The following LRRTM4 variants were observed in gnomAD, a reference collection of about 807,000 sequenced individuals.
LRRTM4 encodes the protein leucine rich repeat transmembrane neuronal 4.
LRRTM4 carries 25 observed loss-of-function variants against 47.6 expected under a neutral mutation model. The observed-to-expected ratio is 0.53, with a 90% CI of 0.38 to 0.73. LRRTM4 has a LOEUF of 0.73. LRRTM4 is among the 30% of genes least tolerant of loss of function. LRRTM4 has a pLI of 0.00. For synonymous variants in LRRTM4, 311 were observed against 269.5 expected, an observed-to-expected ratio of 1.15 and a Z score of -1.51; for missense variants, 638 against 713.4, an observed-to-expected ratio of 0.89 and a Z score of 1.20.
intron 3 of LRRTM4, among the ~76,000 whole-genome samples, chr2:76,790,470 CCAGCCT>C (rs1319494360): frequency 6.6e-6 from 1 of 152,082 alleles, no homozygotes; most frequent in African/African-American, 2.4e-5. Flanking sequence ...TGATCTTGGG[CCAGCCT>C]CAGTTTCTTC....
intron 3 of LRRTM4, among the ~76,000 whole-genome samples, chr2:77,328,843 C>T (rs546007616): frequency 1.6e-4 from 24 of 152,190 alleles, no homozygotes; most frequent in African/African-American, 5.5e-4. Context: ...GCTGATATCT[C>T]GAAAGGCATT....
intron 3 of LRRTM4, among the ~76,000 whole-genome samples, chr2:76,860,297 C>T (rs1044553330): frequency 2.0e-5 from 3 of 152,074 alleles, no homozygotes; most frequent in Non-Finnish European, 2.9e-5. Flanking sequence ...AGTTGGGCAA[C>T]AAAAAGCAGT....
chr2:77,003,703 A>T (rs1015492921), intron 3 of LRRTM4, among the ~76,000 whole-genome samples: 1 of 152,130 alleles, frequency 6.6e-6, no homozygotes, highest in Non-Finnish European at 1.5e-5. Context: ...CTACTACAGT[A>T]AATTGGTACT....
intron 3 of LRRTM4, among the ~76,000 whole-genome samples, chr2:76,913,146 G>T (rs2103785828): frequency 6.6e-6 from 1 of 152,146 alleles, no homozygotes; most frequent in African/African-American, 2.4e-5. Flanking sequence ...CTTTACATCT[G>T]TCTTTCCTGC....
chr2:76,922,538 A>T (rs1674465513), intron 3 of LRRTM4, among the ~76,000 whole-genome samples: 1 of 152,120 alleles, frequency 6.6e-6, no homozygotes, highest in African/African-American at 2.4e-5. Flanking sequence ...GGGTGGGGGC[A>T]CAGAGCCAAA....
rs180792723 is a variant in LRRTM4, at chr2:77,111,854, G to C, written c.1552-362938C>G. On this transcript the variant is annotated intron_variant, in intron 3 of 3. Transcript: ENST00000409884. The stretch of plus-strand genomic sequence containing the variant: ...GAAGAAAAAAAAATTGTATGCTAAA[G>C]TTGCTAAAATCTATGGTAAGAACAA... 5.3e-5 allele frequency among the ~76,000 whole-genome samples: 8 copies of C among 152,240 alleles called. No individual in the cohort carries two copies. The East Asian group carries it at 1.4e-3, about 26-fold the overall frequency.
intron 3 of LRRTM4, among the ~76,000 whole-genome samples, chr2:77,078,078 C>T (rs1365282720): frequency 3.9e-5 from 6 of 152,182 alleles, no homozygotes; most frequent in Admixed American, 3.9e-4. Flanking sequence ...ACTCTTTCTA[C>T]TGTCTACAAG....
intron 3 of LRRTM4, among the ~76,000 whole-genome samples, chr2:77,414,626 A>G (rs898563327): frequency 2.0e-5 from 3 of 152,226 alleles, no homozygotes; most frequent in Non-Finnish European, 4.4e-5. Flanking sequence ...TTTTTCCTAC[A>G]GTTTCTCATA....
intron 3 of LRRTM4, among the ~76,000 whole-genome samples, chr2:77,509,523 T>A (rs1176629406): frequency 6.6e-6 from 1 of 152,140 alleles, no homozygotes; most frequent in Non-Finnish European, 1.5e-5. Context: ...ATGTTTATTA[T>A]TCACTTTACT....
intron 3 of LRRTM4, among the ~76,000 whole-genome samples, chr2:76,767,792 C>T (rs1673515871): frequency 6.6e-6 from 1 of 152,142 alleles, no homozygotes; most frequent in Non-Finnish European, 1.5e-5. Flanking sequence ...TTCACATCTA[C>T]TCTTGCCTAT....
chr2:76,850,544 G>T (rs919691862), intron 3 of LRRTM4, among the ~76,000 whole-genome samples: 1 of 152,154 alleles, frequency 6.6e-6, no homozygotes, highest in African/African-American at 2.4e-5. Flanking sequence ...GAGATTAAAT[G>T]ATATGTTTAA....
At chr2:77,335,109 T>C (rs751353717) in intron 3 of LRRTM4, among the ~76,000 whole-genome samples, 53 of 152,318 alleles carry the variant, frequency 3.5e-4, no homozygotes, top group Admixed American at 6.5e-4. Context: ...CTAGCTTATA[T>C]TAATTTGGAT....
At chr2:77,392,128 C>G (rs573233675) in intron 3 of LRRTM4, among the ~76,000 whole-genome samples, 15 of 152,138 alleles carry the variant, frequency 9.9e-5, no homozygotes, top group Admixed American at 5.9e-4. Context: ...AGCTTGTTAC[C>G]TGGAGGCTTC....
rs1339283344 is a variant in LRRTM4 at position 77,346,153 on chromosome 2, T to C, written c.1551+172165A>G. ...ATTCCGTTATATGGCATTCTGGGAA[T>C]GGTAAAATATAGGAACAAAGAACAG... On this transcript the variant is annotated intron_variant, in intron 3 of 3. Coordinates refer to ENST00000409884, the MANE Select transcript of LRRTM4 (RefSeq NM_001134745.3). Among the ~76,000 whole-genome samples, 4 of 152,126 alleles carry C rather than the reference T, an allele frequency of 2.6e-5. No homozygotes were observed. In the East Asian group the frequency reaches 7.7e-4, roughly 29 times the overall value.
Position 77,145,769 on chromosome 2 carries a change from G to A in LRRTM4, c.1551+372549C>T, listed in dbSNP as rs184865509. ...AGCCTGGGTGACAAAGCGAGGCTCC[G>A]TCTCAAAAAATAAATAAATAAATAA... On this transcript the variant is annotated intron_variant, in intron 3 of 3. Coordinates refer to ENST00000409884, the MANE Select transcript of LRRTM4 (RefSeq NM_001134745.3). Among the ~76,000 whole-genome samples, 168 of 126,216 alleles carry A rather than the reference G, an allele frequency of 1.3e-3. 1 individual carries two copies. The Middle Eastern group carries it at 0.02, about 15-fold the overall frequency. The allele number at this position is 126,216 out of a possible 152,430, so 82.8% of individuals were successfully genotyped here.
chr2:77,450,070 C>T, intron 3 of LRRTM4, among the ~76,000 whole-genome samples: 1 of 152,112 alleles, frequency 6.6e-6, no homozygotes, highest in East Asian at 1.9e-4. Context: ...ATATAACAGA[C>T]ATGAAACAAC....
intron 3 of LRRTM4, among the ~76,000 whole-genome samples, chr2:77,056,695 C>T (rs1679620332): frequency 6.6e-6 from 1 of 151,980 alleles, no homozygotes. Flanking sequence ...TTGTATGTAC[C>T]TGGGTATATT....
rs571022501 is a variant in LRRTM4, at chr2:76,856,160, C to T, written c.1552-107244G>A. Among the ~76,000 whole-genome samples, 6 of 152,138 alleles carry T rather than the reference C, an allele frequency of 3.9e-5. No homozygotes were observed. The South Asian group carries it at 1.0e-3, about 26-fold the overall frequency. ...AGCATCGTGGCTGACGCCTGTTACCCCAGCTACTCGGGAGGCTGAGGCAAG... is the reference window on the plus strand; with the variant it reads ...AGCATCGTGGCTGACGCCTGTTACCTCAGCTACTCGGGAGGCTGAGGCAAG... On this transcript the variant is annotated intron_variant, in intron 3 of 3. Transcript: ENST00000409884.
chr2:77,207,895 T>A (rs1674185029), intron 3 of LRRTM4, among the ~76,000 whole-genome samples: 1 of 107,680 alleles, frequency 9.3e-6, no homozygotes, highest in Non-Finnish European at 2.1e-5. Flanking sequence ...TTTTTTTTTG[T>A]GAGATGTAGT....
Sources: gnomAD v4.1 joint callset for allele counts (sites outside exome capture counted in the v4.1 genomes callset) on GRCh38, gnomAD v4.1.1 for gene constraint, MANE v1.5 for transcripts, NCBI Gene and HGNC (gene_info 2026-07-23, HGNC 2026-07-21) for gene names.